Variants in ITGBL1 observed in about 807,000 individuals in gnomAD.
ITGBL1 encodes integrin subunit beta like 1.
In ITGBL1, 51 loss-of-function variants were observed where a neutral mutation model predicts 68.5. The observed-to-expected ratio is 0.74, with a 90% CI of 0.59 to 0.94. The LOEUF (loss-of-function observed/expected upper bound fraction) is 0.94, where lower values mean the gene tolerates loss of function less well. Among genes scored for constraint, ITGBL1 ranks in the 40% least tolerant of loss-of-function variants. ITGBL1 has a pLI of 0.00. For synonymous variants in ITGBL1, 209 were observed against 227.3 expected (o/e 0.92, Z 0.72); for missense variants, 649 against 647.4 (o/e 1.00, Z -0.03).
intron 7 of ITGBL1, among the ~76,000 whole-genome samples, chr13:101,678,052 A>G (rs560885889): frequency 7.9e-5 from 12 of 152,266 alleles, no homozygotes; most frequent in Admixed American, 6.5e-4. Flanking sequence ...GTATTTTTAA[A>G]TTATAAACTA....
At chr13:101,656,203 A>G (rs979183178) in intron 7 of ITGBL1, among the ~76,000 whole-genome samples, 3 of 152,186 alleles carry the variant, frequency 2.0e-5, no homozygotes, top group Non-Finnish European at 4.4e-5. Context: ...TTGAAGTTTT[A>G]TAGTGGCTGC....
chr13:101,605,550 A>G (rs1366502637), intron 7 of ITGBL1, among the ~76,000 whole-genome samples: 3 of 150,902 alleles, frequency 2.0e-5, no homozygotes, highest in African/African-American at 4.9e-5. Context: ...ATATACACGT[A>G]TTTAGACATA....
chr13:101,685,438 T>A (rs2033733067), intron 7 of ITGBL1, among the ~76,000 whole-genome samples: 1 of 152,102 alleles, frequency 6.6e-6, no homozygotes, highest in Non-Finnish European at 1.5e-5. Context: ...TTTGTAATTT[T>A]TAAAATCTTG....
In ITGBL1 at chr13:101,579,325, G is replaced by T. The variant is rs753390272; in HGVS notation, c.625G>T (p.Ala209Ser). The T allele has an allele frequency of 8.7e-6, 14 of 1,613,820 alleles. No individual in the cohort carries two copies. In the East Asian group the frequency reaches 2.0e-4, roughly 23 times the overall value. ...KCYCGNCYCK[A>S]GWHGDKCEFQ... ...TTACTGTGGAAACTGCTACTGCAAG[G>T]CTGGTTGGCATGGAGATAAATGTGA... Residue 209 changes from alanine (A) to serine (S), a missense_variant, in exon 5 of 11, where the codon GCT (alanine) becomes TCT (serine). Physicochemically the swap from Ala to Ser is moderately conservative, Grantham distance 99 (BLOSUM62 1). Coordinates refer to ENST00000376180, the MANE Select transcript of ITGBL1 (RefSeq NM_004791.3).
At chr13:101,697,003 GTTAT>G (rs1271061349) in intron 8 of ITGBL1, among the ~76,000 whole-genome samples, 1 of 151,204 alleles carries the variant, frequency 6.6e-6, no homozygotes, top group Non-Finnish European at 1.5e-5. Context: ...CAGGTGAAAA[GTTAT>G]TTATTAGATA....
intron 2 of ITGBL1, among the ~76,000 whole-genome samples, chr13:101,481,819 C>T (rs1400381275): frequency 6.6e-6 from 1 of 152,054 alleles, no homozygotes; most frequent in African/African-American, 2.4e-5. Context: ...ATTAATGTTG[C>T]ACATATTCAC....
intron 2 of ITGBL1, among the ~76,000 whole-genome samples, chr13:101,467,961 G>A (rs916300458): frequency 2.6e-5 from 4 of 152,116 alleles, no homozygotes; most frequent in African/African-American, 9.7e-5. Flanking sequence ...GTAAATTCAT[G>A]ACTTAGTCAA....
At chr13:101,686,375 G>A (rs2139539688) in intron 7 of ITGBL1, among the ~76,000 whole-genome samples, 1 of 152,266 alleles carries the variant, frequency 6.6e-6, no homozygotes, top group East Asian at 1.9e-4. Context: ...GGATTATGCT[G>A]AGATAATTTT....
At chr13:101,679,657 C>T (rs75669890) in intron 7 of ITGBL1, among the ~76,000 whole-genome samples, 1 of 152,128 alleles carries the variant, frequency 6.6e-6, no homozygotes, top group Non-Finnish European at 1.5e-5. Flanking sequence ...TATGATATTA[C>T]TACCTAATTT....
intron 2 of ITGBL1, among the ~76,000 whole-genome samples, chr13:101,513,421 A>G (rs183647435): frequency 6.6e-6 from 1 of 152,228 alleles, no homozygotes; most frequent in Admixed American, 6.6e-5. Flanking sequence ...TGGGGATCCA[A>G]TAAGCCTCCC....
chr13:101,712,087 A>G (rs959856220), intron 9 of ITGBL1: 8 of 152,220 alleles, frequency 5.3e-5, no homozygotes, highest in Admixed American at 5.2e-4. Context: ...AGAGCGTTCT[A>G]CAGGAAAAGT....
rs530939586 is a variant in ITGBL1, at chr13:101,544,768, C to T, written c.317-22931C>T. Among the ~76,000 whole-genome samples, 131 of 152,308 alleles carry T rather than the reference C, an allele frequency of 8.6e-4. No individual in the cohort carries two copies. In the Middle Eastern group the frequency reaches 0.017, roughly 20 times the overall value. On this transcript the variant is annotated intron_variant, in intron 2 of 10. Transcript: ENST00000376180. The stretch of plus-strand genomic sequence containing the variant: ...CTCGGCAATGGCGGGCACCCCTCCC[C>T]GAGCCTTGCTGCTGCCTTGCAGTTT...
chr13:101,486,101 A>G (rs942841955), intron 2 of ITGBL1, among the ~76,000 whole-genome samples: 2 of 145,458 alleles, frequency 1.4e-5, no homozygotes, highest in Non-Finnish European at 3.0e-5. Context: ...AGTGTCCATC[A>G]ACCAACGAGT....
intron 7 of ITGBL1, among the ~76,000 whole-genome samples, chr13:101,641,480 T>G (rs1234388564): frequency 6.6e-6 from 1 of 151,900 alleles, no homozygotes; most frequent in African/African-American, 2.4e-5. Context: ...TTCTCAATTT[T>G]GGGGTGTACT....
chr13:101,531,586 C>T (rs893256480), intron 2 of ITGBL1, among the ~76,000 whole-genome samples: 1 of 137,640 alleles, frequency 7.3e-6, no homozygotes, highest in Non-Finnish European at 1.5e-5. Flanking sequence ...ACGCTACACC[C>T]GATTACTTCA....
intron 7 of ITGBL1, among the ~76,000 whole-genome samples, chr13:101,681,245 A>C (rs1252205440): frequency 6.6e-6 from 1 of 152,054 alleles, no homozygotes; most frequent in African/African-American, 2.4e-5. Flanking sequence ...TTTAAATGTG[A>C]CCATATAGGG....
intron 2 of ITGBL1, among the ~76,000 whole-genome samples, chr13:101,495,236 C>CA (rs769916349): frequency 4.6e-5 from 7 of 152,146 alleles, no homozygotes; most frequent in Non-Finnish European, 8.8e-5. Context: ...GTGGCTGAGA[C>CA]AAAACTCCTG....
chr13:101,484,771 T>A (rs1390643852), intron 2 of ITGBL1, among the ~76,000 whole-genome samples: 4 of 152,094 alleles, frequency 2.6e-5, no homozygotes, highest in African/African-American at 9.7e-5. Flanking sequence ...AATAGAGGTA[T>A]AATTTAATTT....
chr13:101,545,272 A>C (rs187554414), intron 2 of ITGBL1, among the ~76,000 whole-genome samples: 1 of 152,332 alleles, frequency 6.6e-6, no homozygotes, highest in South Asian at 2.1e-4. Context: ...AAAAGTAAAA[A>C]TACTCTAAGA....
Sources: allele counts gnomAD v4.1 joint callset (sites outside exome capture counted in the v4.1 genomes callset), GRCh38; gene constraint gnomAD v4.1.1; transcripts MANE v1.5; gene names NCBI Gene and HGNC (gene_info 2026-07-23, HGNC 2026-07-21).